MEGF11: variants seen among roughly 807,000 people sequenced by gnomAD.
MEGF11 encodes multiple epidermal growth factor-like domains protein 11.
A neutral mutation model predicts 146.6 loss-of-function variants in MEGF11; 126 were observed. That is an observed-to-expected ratio of 0.86 (90% CI 0.74 to 1.00). The LOEUF is 1.00. Among genes scored for constraint, MEGF11 ranks in the 50% least tolerant of loss-of-function variants. The probability of loss-of-function intolerance (pLI) is 0.00; values close to 1 mark genes in which losing one functional copy is unlikely to be tolerated. For synonymous variants in MEGF11, 532 were observed against 583.4 expected, an observed-to-expected ratio of 0.91 and a Z score of 1.27; for missense variants, 1,509 against 1,521.2, an observed-to-expected ratio of 0.99 and a Z score of 0.13.
intron 9 of MEGF11, among the ~76,000 whole-genome samples, chr15:65,962,223 C>T (rs1343847058): frequency 2.0e-5 from 3 of 152,148 alleles, no homozygotes; most frequent in Non-Finnish European, 4.4e-5. Flanking sequence ...GGGCTGCCCT[C>T]CATCCACATA....
At chr15:66,210,577 A>C (rs1359874444) in intron 1 of MEGF11, among the ~76,000 whole-genome samples, 1 of 152,174 alleles carries the variant, frequency 6.6e-6, no homozygotes, top group Non-Finnish European at 1.5e-5. Flanking sequence ...CGGCTGTATG[A>C]AGGATTCTGG....
intron 5 of MEGF11, chr15:66,040,108 T>C (rs543203860): frequency 6.4e-6 from 1 of 155,062 alleles, no homozygotes; most frequent in Non-Finnish European, 1.5e-5. Context: ...GTTTAAGAGA[T>C]GAAAATGCCT....
At chr15:66,154,052 C>T (rs62009882) in intron 1 of MEGF11, among the ~76,000 whole-genome samples, 1 of 152,336 alleles carries the variant, frequency 6.6e-6, no homozygotes, top group South Asian at 2.1e-4. Context: ...CTGCCACTAG[C>T]CCCTCAGTGG....
At chr15:66,244,527 A>G (rs1218896790) in intron 1 of MEGF11, among the ~76,000 whole-genome samples, 4 of 152,174 alleles carry the variant, frequency 2.6e-5, no homozygotes, top group Admixed American at 6.5e-5. Flanking sequence ...TGTATGCAAT[A>G]GAAAACATAG....
At chr15:66,200,829 G>A (rs890651641) in intron 1 of MEGF11, among the ~76,000 whole-genome samples, 8 of 152,068 alleles carry the variant, frequency 5.3e-5, no homozygotes, top group African/African-American at 1.9e-4. Flanking sequence ...TTGGTGAATC[G>A]CCTCTGAGGT....
At chr15:65,917,938 G>C in intron 16 of MEGF11, 28 bp downstream of exon 16, 1 of 1,613,610 alleles carries the variant, frequency 6.2e-7, no homozygotes, top group Non-Finnish European at 8.5e-7. Context: ...ACCCCAGGTA[G>C]GGGCATTCCC....
chr15:65,926,732 A>T (rs113862896), intron 13 of MEGF11, among the ~76,000 whole-genome samples: 1 of 152,260 alleles, frequency 6.6e-6, no homozygotes, highest in Admixed American at 6.5e-5. Context: ...TTAGAACAGC[A>T]GAGGCCTTGC....
rs2078367454 is a variant in MEGF11, at chr15:65,896,821, C to T, written c.*1113G>A. ...CATGCTGTTTACAGTAACGTTTTTA[C>T]ATCACGTTACAGCAACTGGTTACAG... On this transcript the variant is annotated 3_prime_UTR_variant, in exon 26 of 26. Coordinates refer to ENST00000395614, the MANE Select transcript of MEGF11 (RefSeq NM_001385028.1). The T allele has an allele frequency of 1.3e-5, 2 of 152,214 alleles. No individual in the cohort carries two copies. The highest frequency in any genetic ancestry group is 4.1e-4 in the South Asian group (2 of 4,836). The allele number at this position is 152,214 out of a possible 1,614,324, so 9.4% of individuals were successfully genotyped here. A position where few individuals can be genotyped will look rare whatever the true frequency, so the allele number is the denominator to read the frequency against.
intron 1 of MEGF11, among the ~76,000 whole-genome samples, chr15:66,172,951 C>T (rs1362810059): frequency 2.6e-5 from 4 of 152,146 alleles, no homozygotes; most frequent in East Asian, 1.9e-4. Flanking sequence ...CCCTCCTGAC[C>T]GCAGTATGCA....
intron 5 of MEGF11, among the ~76,000 whole-genome samples, chr15:65,991,897 A>T (rs575352898): frequency 1.3e-5 from 2 of 152,212 alleles, no homozygotes; most frequent in African/African-American, 4.8e-5. Flanking sequence ...TCAAACAATT[A>T]TCAAGCACCT....
At chr15:66,111,147 A>G (rs767367527) in intron 4 of MEGF11, among the ~76,000 whole-genome samples, 34 of 152,360 alleles carry the variant, frequency 2.2e-4, no homozygotes, top group South Asian at 1.5e-3. Context: ...GTAAAAGGGC[A>G]GTAACAATAA....
At chr15:66,079,778 A>C (rs2085766906) in intron 5 of MEGF11, among the ~76,000 whole-genome samples, 1 of 152,186 alleles carries the variant, frequency 6.6e-6, no homozygotes, top group African/African-American at 2.4e-5. Context: ...GCATCACAGG[A>C]ACATGAGTGG....
intron 1 of MEGF11, among the ~76,000 whole-genome samples, chr15:66,204,273 A>C (rs1462824720): frequency 6.6e-6 from 1 of 152,084 alleles, no homozygotes; most frequent in Admixed American, 6.6e-5. Context: ...GTTGGGGCAC[A>C]CACCTGTAGT....
chr15:66,221,167 G>A (rs1363652920), intron 1 of MEGF11, among the ~76,000 whole-genome samples: 4 of 151,588 alleles, frequency 2.6e-5, no homozygotes, highest in Non-Finnish European at 5.9e-5. Flanking sequence ...TGAGTCCCAC[G>A]GCAGGGTAAC....
chr15:66,196,591 G>T (rs946008615), intron 1 of MEGF11, among the ~76,000 whole-genome samples: 1 of 152,200 alleles, frequency 6.6e-6, no homozygotes, highest in Non-Finnish European at 1.5e-5. Context: ...TGTTTAGAAA[G>T]GTCACTCTAC....
At chr15:66,076,423 T>C (rs2085585986) in intron 5 of MEGF11, among the ~76,000 whole-genome samples, 1 of 152,154 alleles carries the variant, frequency 6.6e-6, no homozygotes, top group African/African-American at 2.4e-5. Flanking sequence ...ATTCTGGCCA[T>C]ATAGTAGACA....
At chr15:66,199,525 T>C (rs4776289) in intron 1 of MEGF11, among the ~76,000 whole-genome samples, 80,782 of 152,084 alleles carry the variant, frequency 0.53, 22,330 homozygotes, top group African/African-American at 0.68. Context: ...GCCCAGAGGC[T>C]CCCACTGCCA....
chr15:66,114,970 G>A (rs905000545), intron 4 of MEGF11, among the ~76,000 whole-genome samples: 2 of 152,192 alleles, frequency 1.3e-5, no homozygotes, highest in African/African-American at 4.8e-5. Context: ...CACAGGGATG[G>A]TCCGTCCTAT....
chr15:66,096,634 G>T lies in MEGF11; in HGVS notation c.302-2140C>A, dbSNP rs891958873. On this transcript the variant is annotated intron_variant, in intron 4 of 25. Coordinates refer to ENST00000395614, the MANE Select transcript of MEGF11 (RefSeq NM_001385028.1). Reference sequence around the variant, plus strand: ...GGTGCTGTGACAGGCCCACAAGAAGGTCAGTGGTGACCAGAGACAGAGGGT... The same window carrying T: ...GGTGCTGTGACAGGCCCACAAGAAGTTCAGTGGTGACCAGAGACAGAGGGT... Among the ~76,000 whole-genome samples the T allele has an allele frequency of 3.9e-5, 6 of 152,222 alleles. No homozygotes were observed. In the East Asian group the frequency reaches 5.8e-4, roughly 15 times the overall value.
Sources: allele counts gnomAD v4.1 joint callset (sites outside exome capture counted in the v4.1 genomes callset), GRCh38; gene constraint gnomAD v4.1.1; transcripts MANE v1.5; gene names NCBI Gene and HGNC (gene_info 2026-07-23, HGNC 2026-07-21).